CTIF: variants seen among roughly 807,000 people sequenced by gnomAD.
CTIF encodes cap binding complex dependent translation initiation factor.
Under a neutral mutation model 66.0 loss-of-function variants are expected in CTIF, and 21 were observed. That is an observed-to-expected ratio of 0.32 (90% CI 0.23 to 0.46). The LOEUF is 0.46. CTIF is among the 20% of genes least tolerant of loss of function. CTIF has a pLI of 1.00. For synonymous variants in CTIF, 345 were observed against 326.4 expected (o/e 1.06, Z -0.62); for missense variants, 739 against 812.7 (o/e 0.91, Z 1.10).
intron 7 of CTIF, among the ~76,000 whole-genome samples, chr18:48,718,952 C>A (rs539330714): frequency 6.6e-6 from 1 of 152,260 alleles, no homozygotes; most frequent in African/African-American, 2.4e-5. Flanking sequence ...CTGACAGATG[C>A]GGCAACTGCA....
intron 7 of CTIF, among the ~76,000 whole-genome samples, chr18:48,749,036 G>A (rs907043406): frequency 3.3e-5 from 5 of 152,178 alleles, no homozygotes; most frequent in East Asian, 3.8e-4. Context: ...ATGATTGGTC[G>A]CACCTGGGAT....
chr18:48,663,687 G>A, intron 3 of CTIF, 65 bp from the exon 4 acceptor site: 1 of 1,468,884 alleles, frequency 6.8e-7, no homozygotes, highest in Non-Finnish European at 9.5e-7. Flanking sequence ...TCAGGCCCTG[G>A]CCCCGTGTTC....
chr18:48,819,770 A>T (rs2068444137), intron 10 of CTIF, among the ~76,000 whole-genome samples: 1 of 152,216 alleles, frequency 6.6e-6, no homozygotes, highest in African/African-American at 2.4e-5. Context: ...CCCATGTACC[A>T]AGCTAACTAG....
intron 7 of CTIF, among the ~76,000 whole-genome samples, chr18:48,730,343 AGGGGCTCCTGCTGTGTGAGG>A (rs2092432876): frequency 1.9e-5 from 2 of 106,366 alleles, no homozygotes; most frequent in Non-Finnish European, 4.3e-5. Context: ...CTGCGGTGTG[AGGGGCTCCTGCTGTGTGAGG>A]GGCCCCTGCG....
chr18:48,757,021 G>A (rs572982368), intron 7 of CTIF, among the ~76,000 whole-genome samples: 12 of 152,236 alleles, frequency 7.9e-5, no homozygotes, highest in South Asian at 2.1e-4. Flanking sequence ...TGAAGGTGTC[G>A]GTGGGGTTGG....
chr18:48,558,334 G>T (rs529949317), intron 1 of CTIF, among the ~76,000 whole-genome samples: 12 of 152,312 alleles, frequency 7.9e-5, no homozygotes, highest in Middle Eastern at 3.4e-3. Context: ...TTAATAAAAA[G>T]TCAGTACAAG....
intron 1 of CTIF, among the ~76,000 whole-genome samples, chr18:48,612,198 A>G (rs1174493471): frequency 6.6e-6 from 1 of 152,214 alleles, no homozygotes; most frequent in Non-Finnish European, 1.5e-5. Flanking sequence ...TCGGGGAAGT[A>G]CATTCTCGCT....
intron 10 of CTIF, among the ~76,000 whole-genome samples, chr18:48,852,193 C>T (rs1181128838): frequency 2.3e-5 from 3 of 131,956 alleles, no homozygotes; most frequent in Non-Finnish European, 4.6e-5. Flanking sequence ...ATGATTGTAT[C>T]ACTGCACTCT....
At chr18:48,660,222 C>T (rs1598820691) in intron 3 of CTIF, among the ~76,000 whole-genome samples, 1 of 151,258 alleles carries the variant, frequency 6.6e-6, no homozygotes, top group East Asian at 2.0e-4. Context: ...TGTGGGGATT[C>T]AATGAGGAAA....
At chr18:48,699,158 A>C (rs1033964528) in intron 6 of CTIF, among the ~76,000 whole-genome samples, 11 of 152,274 alleles carry the variant, frequency 7.2e-5, no homozygotes, top group African/African-American at 2.4e-4. Context: ...CGACGGCCCC[A>C]GCAGGCTAGT....
chr18:48,827,488 A>G (rs920013966), intron 10 of CTIF, among the ~76,000 whole-genome samples: 9 of 152,056 alleles, frequency 5.9e-5, no homozygotes, highest in Admixed American at 1.3e-4. Context: ...GCAGAGAGCA[A>G]CTCCCCAGCT....
chr18:48,623,115 G>A (rs967488001), intron 2 of CTIF, among the ~76,000 whole-genome samples: 2 of 152,370 alleles, frequency 1.3e-5, no homozygotes, highest in Non-Finnish European at 2.9e-5. Flanking sequence ...CCTGACTCAC[G>A]CTTGGATGCC....
intron 9 of CTIF, among the ~76,000 whole-genome samples, chr18:48,778,106 G>A (rs928965787): frequency 5.3e-5 from 8 of 152,206 alleles, no homozygotes; most frequent in East Asian, 1.9e-4. Flanking sequence ...GCAGCCACCC[G>A]TTAGGATGTT....
chr18:48,664,331 C>G (rs2091397650), intron 4 of CTIF, 116 bp from the exon 5 acceptor site: 2 of 875,416 alleles, frequency 2.3e-6, no homozygotes, highest in Non-Finnish European at 3.7e-6. Flanking sequence ...CCGCCTGGCC[C>G]CTGGCGGCTC....
rs372416911 is a variant in CTIF, at chr18:48,741,515, C to T, written c.585-16404C>T. 5.3e-5 allele frequency among the ~76,000 whole-genome samples: 8 copies of T among 151,814 alleles called. No individual in the cohort carries two copies. The South Asian group carries it at 1.7e-3, about 32-fold the overall frequency. ...CTCGGCTCACTGCAACCTCCGCCCC[C>T]CAGGTTCAAGTATTCTTCTGCCTCA... On this transcript the variant is annotated intron_variant, in intron 7 of 11. Transcript: ENST00000256413.
At chr18:48,655,297 T>TAAAAAAAAAA (rs35564462) in intron 3 of CTIF, among the ~76,000 whole-genome samples, 1 of 106,246 alleles carries the variant, frequency 9.4e-6, no homozygotes, top group African/African-American at 4.6e-5. Flanking sequence ...AGAGCAAGAC[T>TAAAAAAAAAA]AAAAAAAAAA....
chr18:48,631,803 A>G (rs2090721654), intron 2 of CTIF, among the ~76,000 whole-genome samples: 1 of 152,160 alleles, frequency 6.6e-6, no homozygotes. Flanking sequence ...CTTTTCAAGT[A>G]AGACACCACC....
intron 6 of CTIF, among the ~76,000 whole-genome samples, chr18:48,674,915 C>T (rs929547227): frequency 3.9e-5 from 6 of 152,146 alleles, no homozygotes; most frequent in African/African-American, 1.2e-4. Flanking sequence ...GGAGCAGGTA[C>T]GCTGGGATAG....
chr18:48,564,407 C>G (rs1473631646), intron 1 of CTIF, among the ~76,000 whole-genome samples: 1 of 152,144 alleles, frequency 6.6e-6, no homozygotes, highest in Non-Finnish European at 1.5e-5. Flanking sequence ...TGCAGGCGGC[C>G]TTCGCTAGGC....
Sources: allele counts gnomAD v4.1 joint callset (sites outside exome capture counted in the v4.1 genomes callset), GRCh38; gene constraint gnomAD v4.1.1; transcripts MANE v1.5; gene names NCBI Gene and HGNC (gene_info 2026-07-23, HGNC 2026-07-21).